Variants in RASEF observed in about 807,000 individuals in gnomAD.
RASEF encodes RAS and EF-hand domain containing.
A neutral mutation model predicts 90.1 loss-of-function variants in RASEF; 68 were observed. The ratio of observed to expected loss-of-function variants is 0.75; its 90% CI spans 0.62 to 0.92. The LOEUF (loss-of-function observed/expected upper bound fraction) is 0.92, where lower values mean the gene tolerates loss of function less well. Ranked by LOEUF, RASEF falls within the 40% of genes least tolerant of loss-of-function variation. The pLI is 0.00. For synonymous variants in RASEF, 331 were observed against 345.2 expected (o/e 0.96, Z 0.46); for missense variants, 949 against 937.2 (o/e 1.01, Z -0.16).
intron 16 of RASEF, 141 bp downstream of exon 16, chr9:82,990,250 C>A: frequency 1.7e-6 from 1 of 575,944 alleles, no homozygotes; most frequent in Non-Finnish European, 3.0e-6. Context: ...TTTATAATAT[C>A]CACATATTTA....
the RASEF span, among the ~76,000 whole-genome samples, chr9:83,095,699 C>T: frequency 3.6e-4 from 55 of 151,884 alleles, no homozygotes; most frequent in Non-Finnish European, 7.5e-4. Context: ...GAATAAATCT[C>T]CTTCCTTCAT....
upstream of RASEF, chr9:83,063,161 G>A: frequency 2.5e-6 from 1 of 393,866 alleles, no homozygotes. Context: ...AAGCGCCGAG[G>A]TGGCTCTCGC....
At chr9:83,184,177 A>G in the RASEF span, among the ~76,000 whole-genome samples, 2 of 152,156 alleles carry the variant, frequency 1.3e-5, no homozygotes, top group African/African-American at 4.8e-5. Context: ...TTGGCCAATC[A>G]CTAAGGTAGG....
chr9:83,185,686 G>A, the RASEF span, among the ~76,000 whole-genome samples: 6 of 152,084 alleles, frequency 3.9e-5, no homozygotes, highest in Admixed American at 6.5e-5. Flanking sequence ...GCTGATGATT[G>A]ATGCAGGCCA....
chr9:83,057,846 CATATATATATATAT>C (rs66535022), intron 1 of RASEF, among the ~76,000 whole-genome samples: 1 of 143,410 alleles, frequency 7.0e-6, no homozygotes, highest in Non-Finnish European at 1.5e-5. Context: ...TTCATATATA[CATATATATATATAT>C]ATATATATAT....
chr9:82,982,461 T>G lies in RASEF; in HGVS notation c.*216A>C. The G allele has an allele frequency of 2.2e-6, 1 of 461,154 alleles. No homozygotes were observed. Among genetic ancestry groups the G allele is most frequent in the East Asian group, 3.7e-5 (1 of 27,192 alleles). The allele number at this position is 461,154 out of a possible 1,614,324, so 28.6% of individuals were successfully genotyped here. ...CTTTTAAGACCTGTAAGGACATGAC[T>G]AGTCTATTTAGCCAGAGGGCCCAAA... On this transcript the variant is annotated 3_prime_UTR_variant, in exon 17 of 17. Coordinates refer to ENST00000376447, the MANE Select transcript of RASEF (RefSeq NM_152573.4).
At chr9:83,206,463 G>A in the RASEF span, among the ~76,000 whole-genome samples, 3 of 152,172 alleles carry the variant, frequency 2.0e-5, no homozygotes, top group Non-Finnish European at 2.9e-5. Context: ...CATGGAAAAT[G>A]CCAGCACCTC....
At chr9:82,993,061 A>G (rs1828845157) in intron 14 of RASEF, 36 bp from the exon 15 acceptor site, 1 of 1,603,646 alleles carries the variant, frequency 6.2e-7, no homozygotes, top group Non-Finnish European at 8.5e-7. Flanking sequence ...GCACACATCA[A>G]ACACTGGACA....
the RASEF span, among the ~76,000 whole-genome samples, chr9:83,134,794 A>G: frequency 6.6e-6 from 1 of 152,184 alleles, no homozygotes; most frequent in Non-Finnish European, 1.5e-5. Flanking sequence ...ACATGTCTAC[A>G]CAAAAACTTG....
chr9:83,124,793 G>A, the RASEF span, among the ~76,000 whole-genome samples: 1 of 152,090 alleles, frequency 6.6e-6, no homozygotes, highest in African/African-American at 2.4e-5. Context: ...GAGAGAAAGG[G>A]AACAACAGAT....
chr9:83,124,086 T>C, the RASEF span, among the ~76,000 whole-genome samples: 1 of 152,248 alleles, frequency 6.6e-6, no homozygotes, highest in Non-Finnish European at 1.5e-5. Context: ...ATTTGCATAA[T>C]GTCTTCAAGG....
At position 82,992,995 on chromosome 9, in the gene RASEF, G is replaced by A. The variant is rs771878010; in HGVS notation, c.1951C>T (p.Leu651=). The change falls in exon 15 of 17, where the codon CTG becomes TTG. Residue 651 remains leucine, a synonymous_variant. Transcript: ENST00000376447. ...CGAATGTCAGCCTTGTTTCCTACCA[G>A]CATAATGGGAACAGTCTCATGGGCT... The part of the protein sequence containing the change: ...DAAHETVPIM[L]VGNKADIRDT... 9.3e-6 allele frequency: 15 copies of A among 1,613,620 alleles called. No individual in the cohort carries two copies. The highest frequency in any genetic ancestry group is 1.3e-5 in the Non-Finnish European group (15 of 1,179,884).
At chr9:83,005,313 A>G (rs1244497540) in intron 8 of RASEF, 103 bp downstream of exon 8, 2 of 786,760 alleles carry the variant, frequency 2.5e-6, no homozygotes, top group Admixed American at 4.4e-5. Context: ...TATTATAAGG[A>G]CTTACTTGAG....
the RASEF span, among the ~76,000 whole-genome samples, chr9:83,122,401 T>C: frequency 6.6e-6 from 1 of 152,202 alleles, no homozygotes; most frequent in East Asian, 1.9e-4. Flanking sequence ...GAAATCACCA[T>C]AGAAGCCAAC....
the RASEF span, among the ~76,000 whole-genome samples, chr9:83,181,965 G>A: frequency 5.2e-4 from 79 of 152,298 alleles, no homozygotes; most frequent in African/African-American, 1.7e-3. Flanking sequence ...AAACAGGAAA[G>A]CACAAGTTCC....
chr9:83,114,323 C>T, the RASEF span, among the ~76,000 whole-genome samples: 1 of 152,110 alleles, frequency 6.6e-6, no homozygotes, highest in African/African-American at 2.4e-5. Flanking sequence ...ATCTTAATCC[C>T]GTCAACTTCG....
At chr9:83,186,030 T>A in the RASEF span, among the ~76,000 whole-genome samples, 2 of 152,118 alleles carry the variant, frequency 1.3e-5, no homozygotes, top group Non-Finnish European at 2.9e-5. Flanking sequence ...CCCTTTCAAC[T>A]GAGTTGAGTG....
chr9:83,147,076 T>C, the RASEF span, among the ~76,000 whole-genome samples: 3 of 145,392 alleles, frequency 2.1e-5, no homozygotes, highest in African/African-American at 7.5e-5. Context: ...GTACATCTCA[T>C]AATATTTTTG....
At chr9:83,063,840 A>T (rs1256804114), upstream of RASEF, among the ~76,000 whole-genome samples, 1 of 152,130 alleles carries the variant, frequency 6.6e-6, no homozygotes, top group East Asian at 1.9e-4. Context: ...TTTCTTTAAC[A>T]CTGCTTAATG....
Sources: gnomAD v4.1 joint callset for allele counts (sites outside exome capture counted in the v4.1 genomes callset) on GRCh38, gnomAD v4.1.1 for gene constraint, MANE v1.5 for transcripts, NCBI Gene and HGNC (gene_info 2026-07-23, HGNC 2026-07-21) for gene names.